RAPGEF2: variants seen among roughly 807,000 people sequenced by gnomAD.
RAPGEF2 encodes the protein Rap guanine nucleotide exchange factor 2.
RAPGEF2 carries 54 observed loss-of-function variants against 186.7 expected under a neutral mutation model. The observed-to-expected ratio is 0.29, with a 90% confidence interval of 0.23 to 0.36. The LOEUF (loss-of-function observed/expected upper bound fraction) is 0.36. RAPGEF2 is among the 10% of genes least tolerant of loss of function. The probability of loss-of-function intolerance (pLI) is 1.00; values close to 1 mark genes in which losing one functional copy is unlikely to be tolerated. For missense variants in RAPGEF2, 1,532 were observed against 2,045.0 expected, an observed-to-expected ratio of 0.75 and a Z score of 4.84; for synonymous variants, 712 against 705.9, an observed-to-expected ratio of 1.01 and a Z score of -0.14.
intron 4 of RAPGEF2, among the ~76,000 whole-genome samples, chr4:159,221,862 G>A (rs1458629473): frequency 1.3e-5 from 2 of 152,146 alleles, no homozygotes; most frequent in East Asian, 3.9e-4. Context: ...AGAAAATGAT[G>A]AAACAAATAT....
intron 3 of RAPGEF2, among the ~76,000 whole-genome samples, chr4:159,208,349 G>A (rs1176464877): frequency 6.6e-6 from 1 of 152,206 alleles, no homozygotes; most frequent in Admixed American, 6.5e-5. Context: ...CCCTTGCAAC[G>A]TGCATATGGT....
chr4:159,133,557 G>A (rs989479624), intron 1 of RAPGEF2, among the ~76,000 whole-genome samples: 13 of 151,352 alleles, frequency 8.6e-5, no homozygotes, highest in Admixed American at 4.6e-4. Flanking sequence ...GATTACGGGC[G>A]CCTGCCACCA....
intron 7 of RAPGEF2, among the ~76,000 whole-genome samples, chr4:159,254,000 A>AT (rs1755821168): frequency 6.6e-6 from 1 of 152,256 alleles, no homozygotes; most frequent in South Asian, 2.1e-4. Context: ...TACGACTGGA[A>AT]TAATTGCACG....
At chr4:159,208,075 C>T (rs945610357) in intron 3 of RAPGEF2, among the ~76,000 whole-genome samples, 1 of 152,014 alleles carries the variant, frequency 6.6e-6, no homozygotes, top group Non-Finnish European at 1.5e-5. Flanking sequence ...AGTGCTTTTC[C>T]GTTATGTTTT....
At chr4:159,105,392 G>A (rs1048412543) in intron 1 of RAPGEF2, among the ~76,000 whole-genome samples, 2 of 152,172 alleles carry the variant, frequency 1.3e-5, no homozygotes, top group Non-Finnish European at 2.9e-5. Flanking sequence ...TGTGGGGAGA[G>A]CATAATAAAA....
At chr4:159,294,707 C>T (rs981210416) in intron 7 of RAPGEF2, among the ~76,000 whole-genome samples, 2 of 144,058 alleles carry the variant, frequency 1.4e-5, no homozygotes, top group African/African-American at 5.0e-5. Context: ...TCCGTCTGTC[C>T]GTCCTTCCAT....
chr4:159,151,883 G>C (rs1743578479), intron 1 of RAPGEF2, among the ~76,000 whole-genome samples: 1 of 152,204 alleles, frequency 6.6e-6, no homozygotes, highest in East Asian at 1.9e-4. Flanking sequence ...GTAGGAGACA[G>C]GTACTTCTTC....
At chr4:159,292,026 G>T (rs527845295) in intron 7 of RAPGEF2, among the ~76,000 whole-genome samples, 3 of 152,052 alleles carry the variant, frequency 2.0e-5, no homozygotes, top group Non-Finnish European at 4.4e-5. Flanking sequence ...TTTTGTATAT[G>T]TGTGTAGAAT....
At chr4:159,269,462 A>G (rs1757834006) in intron 7 of RAPGEF2, among the ~76,000 whole-genome samples, 1 of 152,046 alleles carries the variant, frequency 6.6e-6, no homozygotes, top group Non-Finnish European at 1.5e-5. Flanking sequence ...TAATTTCACT[A>G]GTAGGAAAGG....
chr4:159,291,584 C>T (rs956040614), intron 7 of RAPGEF2, among the ~76,000 whole-genome samples: 7 of 152,196 alleles, frequency 4.6e-5, no homozygotes, highest in Non-Finnish European at 8.8e-5. Context: ...GCATGAGCCA[C>T]CATGCCTGAC....
intron 7 of RAPGEF2, among the ~76,000 whole-genome samples, chr4:159,249,376 A>C (rs1755034517): frequency 6.9e-6 from 1 of 145,292 alleles, no homozygotes; most frequent in Non-Finnish European, 1.5e-5. Context: ...TATCTGTTGT[A>C]AGTTGTCTGT....
chr4:159,105,013 A>G (rs1336413163), intron 1 of RAPGEF2, among the ~76,000 whole-genome samples: 1 of 152,142 alleles, frequency 6.6e-6, no homozygotes, highest in Non-Finnish European at 1.5e-5. Context: ...AAAATTAGAT[A>G]AGTTTGTTAA....
intron 10 of RAPGEF2, among the ~76,000 whole-genome samples, chr4:159,323,037 A>G (rs1160004302): frequency 2.6e-5 from 4 of 152,202 alleles, no homozygotes; most frequent in South Asian, 2.1e-4. Flanking sequence ...ACAGAATTTC[A>G]TATGAAAATA....
intron 22 of RAPGEF2, 45 bp from the exon 23 acceptor site, chr4:159,343,991 C>G (rs762459278): frequency 1.3e-6 from 2 of 1,520,682 alleles, no homozygotes; most frequent in Admixed American, 1.7e-5. Flanking sequence ...CTTTCTGTCT[C>G]TCTTTCTACA....
At position 159,312,038 on chromosome 4, in the gene RAPGEF2, T is replaced by A. The variant is rs562082672; in HGVS notation, c.676-2553T>A. Among the ~76,000 whole-genome samples, 58 of 152,298 alleles carry A rather than the reference T, an allele frequency of 3.8e-4. No homozygotes were observed. In the East Asian group the frequency reaches 9.1e-3, roughly 24 times the overall value. ...AGTGGAAGGTTCAGTTTGGGAGAGA[T>A]AAATCCAGTTGACAGTTGAAAGTCT... On this transcript the variant is annotated intron_variant, in intron 8 of 29. Coordinates refer to ENST00000691494, the MANE Select transcript of RAPGEF2 (RefSeq NM_001394067.2).
chr4:159,128,341 G>A (rs977341646), intron 1 of RAPGEF2, among the ~76,000 whole-genome samples: 1 of 152,030 alleles, frequency 6.6e-6, no homozygotes, highest in African/African-American at 2.4e-5. Context: ...TTTCTCACCT[G>A]TAAAATGGAA....
Position 159,129,459 on chromosome 4 carries a change from T to A in RAPGEF2, c.69+25228T>A, listed in dbSNP as rs180758007. ...AAGACATAGAAAAGCAGTTGTCATT[T>A]ATAAAGTGTGTGTTATGTGCCAGAA... On this transcript the variant is annotated intron_variant, in intron 1 of 29. Transcript: ENST00000691494. 1.6e-3 allele frequency among the ~76,000 whole-genome samples: 243 copies of A among 152,342 alleles called. 1 individual carries two copies. The highest frequency in any genetic ancestry group is 2.5e-3 in the Non-Finnish European group (172 of 68,024).
At chr4:159,230,068 A>G (rs1283963564) in intron 4 of RAPGEF2, among the ~76,000 whole-genome samples, 2 of 152,212 alleles carry the variant, frequency 1.3e-5, no homozygotes, top group African/African-American at 4.8e-5. Flanking sequence ...GCGTATTTAT[A>G]CAGAACAATT....
intron 7 of RAPGEF2, among the ~76,000 whole-genome samples, chr4:159,289,452 C>G (rs1436061233): frequency 6.6e-6 from 1 of 152,084 alleles, no homozygotes; most frequent in Non-Finnish European, 1.5e-5. Flanking sequence ...TTCTGGTGAT[C>G]TTACCTATAA....
Sources: allele counts gnomAD v4.1 joint callset (sites outside exome capture counted in the v4.1 genomes callset), GRCh38; gene constraint gnomAD v4.1.1; transcripts MANE v1.5; gene names NCBI Gene and HGNC (gene_info 2026-07-23, HGNC 2026-07-21).